SBF2: variants seen among roughly 807,000 people sequenced by gnomAD.
SBF2 encodes the protein SET binding factor 2, also known as myotubularin-related protein 13.
SBF2 carries 112 observed loss-of-function variants against 225.2 expected under a neutral mutation model. That is an observed-to-expected ratio of 0.50 (90% CI 0.43 to 0.58). SBF2 has a LOEUF of 0.58. SBF2 is among the 20% of genes least tolerant of loss of function. The pLI, the probability that SBF2 is intolerant of heterozygous loss-of-function variation, is 0.00. For synonymous variants in SBF2, 763 were observed against 773.3 expected, an observed-to-expected ratio of 0.99 and a Z score of 0.22; for missense variants, 1,996 against 2,206.2, an observed-to-expected ratio of 0.90 and a Z score of 1.91.
chr11:9,961,679 C>T (rs554625671), intron 16 of SBF2: 168 of 337,562 alleles, frequency 5.0e-4, no homozygotes, highest in African/African-American at 3.0e-3. Context: ...TAACTGAATG[C>T]TTTAAAGATG....
chr11:9,915,220 G>A (rs1379634040), intron 16 of SBF2, among the ~76,000 whole-genome samples: 3 of 152,010 alleles, frequency 2.0e-5, no homozygotes, highest in South Asian at 2.1e-4. Context: ...AGGCCGAGGC[G>A]GGCAGATCAT....
intron 16 of SBF2, among the ~76,000 whole-genome samples, chr11:9,937,767 A>G (rs1246954464): frequency 6.6e-6 from 1 of 152,148 alleles, no homozygotes; most frequent in Non-Finnish European, 1.5e-5. Context: ...GGTAAAATGG[A>G]TAGGTATTAA....
intron 39 of SBF2, among the ~76,000 whole-genome samples, chr11:9,781,294 A>G (rs1851988640): frequency 6.6e-6 from 1 of 152,234 alleles, no homozygotes; most frequent in African/African-American, 2.4e-5. Context: ...GCACAAAGCA[A>G]TATGTAGCTT....
At chr11:9,792,151 G>A (rs1200457071) in intron 33 of SBF2, among the ~76,000 whole-genome samples, 1 of 152,164 alleles carries the variant, frequency 6.6e-6, no homozygotes, top group African/African-American at 2.4e-5. Context: ...TTATGACTCA[G>A]CGTGGTGCGG....
At chr11:10,260,989 G>T (rs1467007655) in intron 1 of SBF2, among the ~76,000 whole-genome samples, 1 of 151,968 alleles carries the variant, frequency 6.6e-6, no homozygotes, top group Non-Finnish European at 1.5e-5. Context: ...TAATAAAATG[G>T]CAATCCAATT....
chr11:10,277,351 T>C (rs549418072), intron 1 of SBF2, among the ~76,000 whole-genome samples: 2 of 152,354 alleles, frequency 1.3e-5, no homozygotes, highest in East Asian at 3.9e-4. Context: ...TTAGAGTGGA[T>C]GCTGATTTAA....
intron 2 of SBF2, among the ~76,000 whole-genome samples, chr11:10,185,396 G>C (rs985741133): frequency 6.6e-6 from 1 of 152,136 alleles, no homozygotes. Context: ...CAGTGCACAA[G>C]AGTTCCAGTT....
intron 26 of SBF2, among the ~76,000 whole-genome samples, chr11:9,836,497 T>C (rs1177907946): frequency 6.6e-6 from 1 of 152,228 alleles, no homozygotes; most frequent in African/African-American, 2.4e-5. Context: ...GTCAGTCCTA[T>C]ACTGTCTTAA....
chr11:10,178,853 C>G (rs1158202484), intron 2 of SBF2, among the ~76,000 whole-genome samples: 1 of 149,076 alleles, frequency 6.7e-6, no homozygotes, highest in Non-Finnish European at 1.5e-5. Context: ...GGTATATACC[C>G]AAAGGACTAT....
At chr11:9,941,980 A>G (rs1865277883) in intron 16 of SBF2, among the ~76,000 whole-genome samples, 1 of 152,228 alleles carries the variant, frequency 6.6e-6, no homozygotes, top group South Asian at 2.1e-4. Flanking sequence ...AGAAAATGCA[A>G]TTTTAAAAGA....
Position 9,780,307 on chromosome 11 carries a change from C to A in SBF2, c.*111G>T, listed in dbSNP as rs529269977. ...GCAAGAGGGGACTGGGCAGGAGAAC[C>A]TCAGGCCCTGGGATAACTTGTTGTC... On this transcript the variant is annotated 3_prime_UTR_variant, in exon 40 of 40. Coordinates refer to ENST00000256190, the MANE Select transcript of SBF2 (RefSeq NM_030962.4). 12 of 933,412 alleles carry A rather than the reference C, an allele frequency of 1.3e-5. No individual in the cohort carries two copies. The highest frequency in any genetic ancestry group is 2.0e-5 in the Non-Finnish European group (12 of 592,834). The allele number at this position is 933,412 out of a possible 1,614,324, so 57.8% of individuals were successfully genotyped here.
chr11:10,285,196 G>C (rs1325217874), intron 1 of SBF2, among the ~76,000 whole-genome samples: 1 of 152,024 alleles, frequency 6.6e-6, no homozygotes, highest in Non-Finnish European at 1.5e-5. Context: ...TGTAGTCCCA[G>C]CTACTCGGCA....
chr11:9,842,220 G>A (rs1445922089), intron 25 of SBF2, among the ~76,000 whole-genome samples: 1 of 152,028 alleles, frequency 6.6e-6, no homozygotes, highest in African/African-American at 2.4e-5. Context: ...TTTTGATTAA[G>A]AGCACCAACA....
At position 9,846,982 on chromosome 11, in the gene SBF2, G is replaced by A. The variant is rs1370817659; in HGVS notation, c.2908C>T (p.Leu970=). The change falls in exon 23 of 40, where the codon CTG becomes TTG. Residue 970 remains leucine, a synonymous_variant. Transcript: ENST00000256190. ...TGAAAAGATGCTGATGTGATCTGCAGTCCTTCTTGCATGTTCTGCTGTAGC... is the reference window on the plus strand; with the variant it reads ...TGAAAAGATGCTGATGTGATCTGCAATCCTTCTTGCATGTTCTGCTGTAGC... ...NQLQQNMQEG[L]QITSASFQLI... 3 of 1,613,848 alleles carry A rather than the reference G, an allele frequency of 1.9e-6. No individual in the cohort carries two copies. Among genetic ancestry groups the A allele is most frequent in the Non-Finnish European group, 2.5e-6 (3 of 1,179,756 alleles).
chr11:9,794,730 ACC>A (rs1853008599), intron 33 of SBF2, among the ~76,000 whole-genome samples: 2 of 141,864 alleles, frequency 1.4e-5, no homozygotes, highest in African/African-American at 2.5e-5. Flanking sequence ...GGCAGTTGTA[ACC>A]AGTTATACTT....
intron 1 of SBF2, among the ~76,000 whole-genome samples, chr11:10,231,276 G>C (rs1958831485): frequency 6.6e-6 from 1 of 152,134 alleles, no homozygotes; most frequent in Non-Finnish European, 1.5e-5. Context: ...CTACCTCGGA[G>C]CAGTTTGATC....
intron 2 of SBF2, among the ~76,000 whole-genome samples, chr11:10,063,870 G>C (rs1361791826): frequency 6.6e-6 from 1 of 151,160 alleles, no homozygotes; most frequent in Non-Finnish European, 1.5e-5. Context: ...GAGAGAGAGA[G>C]AGAGAGAGAG....
intron 1 of SBF2, among the ~76,000 whole-genome samples, chr11:10,238,337 G>T (rs1251750122): frequency 1.3e-5 from 2 of 151,776 alleles, no homozygotes; most frequent in South Asian, 2.1e-4. Flanking sequence ...TGAGCCTGGG[G>T]TGGTTGAGGC....
chr11:9,797,990 GAATGAATA>G (rs761596383), intron 32 of SBF2, among the ~76,000 whole-genome samples: 4 of 151,964 alleles, frequency 2.6e-5, no homozygotes, highest in Non-Finnish European at 4.4e-5. Flanking sequence ...ATGAATGAAT[GAATGAATA>G]AATGATAAAG....
Sources: allele counts gnomAD v4.1 joint callset (sites outside exome capture counted in the v4.1 genomes callset), GRCh38; gene constraint gnomAD v4.1.1; transcripts MANE v1.5; gene names NCBI Gene and HGNC (gene_info 2026-07-23, HGNC 2026-07-21).